ZCCHC14: variants seen among roughly 807,000 people sequenced by gnomAD.
ZCCHC14 encodes zinc finger CCHC-type containing 14.
ZCCHC14 carries 16 observed loss-of-function variants against 85.0 expected under a neutral mutation model. The ratio of observed to expected loss-of-function variants is 0.19; its 90% CI spans 0.13 to 0.29. The LOEUF (loss-of-function observed/expected upper bound fraction) is 0.29. ZCCHC14 is among the 10% of genes least tolerant of loss of function. The pLI, the probability that ZCCHC14 is intolerant of heterozygous loss-of-function variation, is 1.00. For missense variants in ZCCHC14, 1,303 were observed against 1,443.5 expected, an observed-to-expected ratio of 0.90 and a Z score of 1.58; for synonymous variants, 775 against 630.7, an observed-to-expected ratio of 1.23 and a Z score of -3.43.
chr16:87,406,653 G>A lies in ZCCHC14; in HGVS notation c.*3627C>T, dbSNP rs1908216372. ...CTTGTTACAACGCACGTGAGGCCGC[G>A]GCGGATGGCCACTGCCCCCTTCCTT... On this transcript the variant is annotated 3_prime_UTR_variant, in exon 13 of 13. Coordinates refer to ENST00000671377, the MANE Select transcript of ZCCHC14 (RefSeq NM_015144.3). 1 of 152,262 alleles carries A rather than the reference G, an allele frequency of 6.6e-6. No homozygotes were observed. The highest frequency in any genetic ancestry group is 1.5e-5 in the Non-Finnish European group (1 of 68,044). The allele number at this position is 152,262 out of a possible 1,614,324, so 9.4% of individuals were successfully genotyped here. A position where few individuals can be genotyped will look rare whatever the true frequency, so the allele number is the denominator to read the frequency against.
intron 2 of ZCCHC14, among the ~76,000 whole-genome samples, chr16:87,450,089 G>A (rs1334730688): frequency 2.6e-5 from 4 of 152,090 alleles, no homozygotes; most frequent in Non-Finnish European, 4.4e-5. Context: ...TCCAGCAGAC[G>A]CCCCTTCTTC....
rs1475389126 is a variant in ZCCHC14 at position 87,420,581 on chromosome 16, C to T, written c.950+26G>A. 15 of 1,587,484 alleles carry T rather than the reference C, an allele frequency of 9.4e-6. No homozygotes were observed. The highest frequency in any genetic ancestry group is 9.0e-5 in the East Asian group (4 of 44,432). The stretch of plus-strand genomic sequence containing the variant: ...AGCCTGTCCTTGCCAGCTGTGGACG[C>T]GCCGGGTGCCTGGTAAGGGCCTCAC... On this transcript the variant is annotated intron_variant, in intron 5 of 12. Coordinates refer to ENST00000671377, the MANE Select transcript of ZCCHC14 (RefSeq NM_015144.3). The surrounding 1 kb of genome is among the most constrained non-coding windows in gnomAD (Gnocchi z 5.0).
Position 87,411,954 on chromosome 16 carries a change from T to C in ZCCHC14, c.2767A>G (p.Ile923Val), listed in dbSNP as rs1490084715. 6.2e-7 allele frequency: 1 copy of C among 1,605,414 alleles called. No individual in the cohort carries two copies. Among genetic ancestry groups the C allele is most frequent in the Admixed American group, 1.7e-5 (1 of 59,216 alleles). Residue 923 changes from isoleucine to valine, a missense_variant, in exon 12 of 13, where the codon ATT becomes GTT. By Grantham distance (29) the Ile-to-Val change is conservative. Transcript: ENST00000671377. ...PQPAPPPPGC[I>V]VCTSCGCSGS... Reference sequence around the variant, plus strand: ...CTGCAGCCACAGGACGTGCACACAATGCAGCCTGGCGGGGGTGGGGCGGGC... The same window carrying C: ...CTGCAGCCACAGGACGTGCACACAACGCAGCCTGGCGGGGGTGGGGCGGGC...
At chr16:87,468,394 T>C (rs532426215) in intron 1 of ZCCHC14, among the ~76,000 whole-genome samples, 1 of 152,082 alleles carries the variant, frequency 6.6e-6, no homozygotes, top group Non-Finnish European at 1.5e-5. Context: ...CATTGTGTTG[T>C]GCATGTTCAT....
At chr16:87,466,193 G>A (rs1368488861) in intron 1 of ZCCHC14, among the ~76,000 whole-genome samples, 1 of 151,960 alleles carries the variant, frequency 6.6e-6, no homozygotes, top group African/African-American at 2.4e-5. Context: ...GCACCACACA[G>A]GCTACTTTAC....
intron 3 of ZCCHC14, among the ~76,000 whole-genome samples, chr16:87,425,239 G>A (rs764051158): frequency 5.6e-4 from 86 of 152,308 alleles, no homozygotes; most frequent in Non-Finnish European, 9.7e-4. Context: ...ACTAACGGCT[G>A]CAAGGCGTGC....
At position 87,492,498 on chromosome 16, in the gene ZCCHC14, G is replaced by T. The variant is rs1348870396; in HGVS notation, c.-260C>A. Reference sequence around the variant, plus strand: ...GGGGCCCGGGGCGGCCGGGGCGGCCGGGGGCGGCGAGCGGCCTCGGGCCCC... The same window carrying T: ...GGGGCCCGGGGCGGCCGGGGCGGCCTGGGGCGGCGAGCGGCCTCGGGCCCC... On this transcript the variant is annotated 5_prime_UTR_variant, in exon 1 of 13. Coordinates refer to ENST00000671377, the MANE Select transcript of ZCCHC14 (RefSeq NM_015144.3). This position sits in a 1 kb window ranked among gnomAD's most constrained non-coding sequence, Gnocchi z 6.7. The T allele has an allele frequency of 2.8e-5, 4 of 145,206 alleles. No individual in the cohort carries two copies. Among genetic ancestry groups the T allele is most frequent in the African/African-American group, 9.9e-5 (4 of 40,538 alleles). 9.0% of individuals were successfully genotyped at this position (145,206 alleles called of 1,614,324 possible).
rs1293778820 is a variant in ZCCHC14 at position 87,491,804 on chromosome 16, G to A, written c.435C>T (p.Phe145=). ...LFTMASNHPA[F]SFHQKQVLRQ... ...GCAGCACCTGCTTCTGGTGGAAGCTGAAGGCCGGGTGGTTGGAGGCCATGG... is the reference window on the plus strand; with the variant it reads ...GCAGCACCTGCTTCTGGTGGAAGCTAAAGGCCGGGTGGTTGGAGGCCATGG... Residue 145 remains phenylalanine (F), a synonymous_variant, in exon 1 of 13, where the codon TTC becomes TTT. Transcript: ENST00000671377. The surrounding 1 kb of genome is among the most constrained non-coding windows in gnomAD (Gnocchi z 5.9). The A allele has an allele frequency of 6.3e-7, 1 of 1,587,488 alleles. No individual in the cohort carries two copies. Among genetic ancestry groups the A allele is most frequent in the Non-Finnish European group, 8.5e-7 (1 of 1,170,622 alleles).
At chr16:87,425,245 C>T (rs773416381) in intron 3 of ZCCHC14, among the ~76,000 whole-genome samples, 1 of 152,184 alleles carries the variant, frequency 6.6e-6, no homozygotes, top group Non-Finnish European at 1.5e-5. Flanking sequence ...GGCTGCAAGG[C>T]GTGCACCTTG....
chr16:87,487,046 T>C (rs1261290206), intron 1 of ZCCHC14, among the ~76,000 whole-genome samples: 4 of 152,260 alleles, frequency 2.6e-5, no homozygotes, highest in Non-Finnish European at 5.9e-5. Context: ...GTTTCACCTC[T>C]GAACTGCAAT....
chr16:87,448,980 G>A lies in ZCCHC14; in HGVS notation c.694+11028C>T, dbSNP rs901200337. Reference sequence around the variant, plus strand: ...AAAGAGGCAGAAGCGACCGTGTGCCGGCCCAAGCTCGGCCTTACGAATCCT... The same window carrying A: ...AAAGAGGCAGAAGCGACCGTGTGCCAGCCCAAGCTCGGCCTTACGAATCCT... On this transcript the variant is annotated intron_variant, in intron 2 of 12. Transcript: ENST00000671377. 3.9e-5 allele frequency among the ~76,000 whole-genome samples: 6 copies of A among 152,294 alleles called. No homozygotes were observed. In the East Asian group the frequency reaches 5.8e-4, roughly 15 times the overall value.
chr16:87,486,003 G>T (rs1912499980), intron 1 of ZCCHC14, among the ~76,000 whole-genome samples: 1 of 152,154 alleles, frequency 6.6e-6, no homozygotes, highest in Non-Finnish European at 1.5e-5. Context: ...AGAATTTCCA[G>T]TTTCTACAAC....
chr16:87,438,527 G>A (rs926580564), intron 2 of ZCCHC14, among the ~76,000 whole-genome samples: 11 of 152,198 alleles, frequency 7.2e-5, no homozygotes, highest in African/African-American at 2.4e-4. Flanking sequence ...ACCTGAGTTC[G>A]AATATTCATT....
At position 87,417,630 on chromosome 16, in the gene ZCCHC14, C is replaced by T. The variant is rs758484964; in HGVS notation, c.1213G>A (p.Ala405Thr). 5.0e-6 allele frequency: 8 copies of T among 1,614,134 alleles called. No individual in the cohort carries two copies. The highest frequency in any genetic ancestry group is 1.7e-5 in the Admixed American group (1 of 60,032). ...PLPHCSHAGS[A>T]GSALAYRTQM... ...GTCCGGTAGGCCAGGGCTGAGCCCG[C>T]GCTGCCCGCATGGGAGCAGTGAGGC... Residue 405 changes from alanine to threonine, a missense_variant, in exon 8 of 13, where the codon GCG becomes ACG. Physicochemically the swap from Ala to Thr is moderately conservative, Grantham distance 58 (BLOSUM62 0). Transcript: ENST00000671377.
At chr16:87,418,797 A>G (rs28607955) in intron 7 of ZCCHC14, 50 bp downstream of exon 7, 128,712 of 1,562,706 alleles carry the variant, frequency 0.082, 15,310 homozygotes, top group African/African-American at 0.57. Flanking sequence ...CAAAGTAAAC[A>G]TTGTAAAATG....
chr16:87,433,913 G>A (rs1909786164), intron 2 of ZCCHC14, among the ~76,000 whole-genome samples: 1 of 151,682 alleles, frequency 6.6e-6, no homozygotes, highest in Non-Finnish European at 1.5e-5. Flanking sequence ...CAACGTGCTG[G>A]ATTTACAGGC....
rs895628336 is a variant in ZCCHC14 at position 87,491,496 on chromosome 16, G to A, written c.570+173C>T. On this transcript the variant is annotated intron_variant, in intron 1 of 12. Transcript: ENST00000671377. This position sits in a 1 kb window ranked among gnomAD's most constrained non-coding sequence, Gnocchi z 5.9. ...GGGGTGCGACATAGAGGCTTAGGAT[G>A]GGGCTTGGGATACGGGCTGGGGGCT... Among the ~76,000 whole-genome samples the A allele has an allele frequency of 2.0e-5, 3 of 151,994 alleles. No individual in the cohort carries two copies. The highest frequency in any genetic ancestry group is 7.2e-5 in the African/African-American group (3 of 41,382).
At chr16:87,490,120 TG>T (rs1159567282) in intron 1 of ZCCHC14, among the ~76,000 whole-genome samples, 3 of 152,126 alleles carry the variant, frequency 2.0e-5, no homozygotes, top group African/African-American at 7.2e-5. Context: ...ACTATAGTCT[TG>T]GAGGTAAATG....
intron 1 of ZCCHC14, chr16:87,472,918 T>G (rs1459036499): frequency 1.3e-5 from 2 of 152,316 alleles, no homozygotes; most frequent in African/African-American, 4.8e-5. Flanking sequence ...CTCCCTATGT[T>G]GCCCAGGCTG....
Sources: allele counts gnomAD v4.1 joint callset (sites outside exome capture counted in the v4.1 genomes callset), GRCh38; gene constraint gnomAD v4.1.1; non-coding constraint Gnocchi (gnomAD v3.1); transcripts MANE v1.5; gene names NCBI Gene and HGNC (gene_info 2026-07-23, HGNC 2026-07-21).